Variants in NAT8L observed in about 807,000 individuals in gnomAD.
NAT8L encodes the protein N-acetylaspartate synthetase.
In NAT8L, 6 loss-of-function variants were observed where a neutral mutation model predicts 21.2. The ratio of observed to expected loss-of-function variants is 0.28; its 90% CI spans 0.16 to 0.56. The LOEUF is 0.56. NAT8L is among the 20% of genes least tolerant of loss of function. The pLI is 0.93. For synonymous variants in NAT8L, 239 were observed against 204.9 expected (o/e 1.17, Z -1.42); for missense variants, 331 against 433.3 (o/e 0.76, Z 2.10).
chr4:2,060,985 C>T lies in NAT8L; in HGVS notation c.377-13C>T. On this transcript the variant is annotated splice_polypyrimidine_tract_variant and intron_variant, in intron 1 of 2. Coordinates refer to ENST00000423729, the MANE Select transcript of NAT8L (RefSeq NM_178557.4). This position sits in a 1 kb window ranked among gnomAD's most constrained non-coding sequence, Gnocchi z 4.7. The stretch of plus-strand genomic sequence containing the variant: ...CCCCCGCCGCGCCGCTGACCCGCGC[C>T]CTCTGCCCCCAGCGCTGTGCTTCGC... 5 of 1,482,836 alleles carry T rather than the reference C, an allele frequency of 3.4e-6. No individual in the cohort carries two copies. Among genetic ancestry groups the T allele is most frequent in the South Asian group, 1.2e-5 (1 of 82,650 alleles). 91.9% of individuals were successfully genotyped at this position (1,482,836 alleles called of 1,614,324 possible).
At position 2,059,533 on chromosome 4, in the gene NAT8L, A is replaced by G; in HGVS notation, c.22A>G (p.Met8Val). Residue 8 changes from methionine (M) to valine (V), a missense_variant, in exon 1 of 3, where the codon ATG becomes GTG. By Grantham distance (21) the Met-to-Val change is conservative. Around this residue, in one of 2 missense-constraint regions of NAT8L, gnomAD observed 199 missense variants for 196.1 expected, o/e 1.01. Coordinates refer to ENST00000423729, the MANE Select transcript of NAT8L (RefSeq NM_178557.4). The surrounding 1 kb of genome is among the most constrained non-coding windows in gnomAD (Gnocchi z 4.8). Reference sequence around the variant, plus strand: ...GTGCATGCATTGTGGGCCTCCCGACATGGTCTGCGAGACGAAGATCGTGGC... The same window carrying G: ...GTGCATGCATTGTGGGCCTCCCGACGTGGTCTGCGAGACGAAGATCGTGGC... Reference protein sequence around the residue: MHCGPPDMVCETKIVAAE... With the variant: MHCGPPDVVCETKIVAAE... The G allele has an allele frequency of 2.0e-6, 2 of 1,000,244 alleles. No individual in the cohort carries two copies. Among genetic ancestry groups the G allele is most frequent in the South Asian group, 3.9e-5 (1 of 25,614 alleles). The allele number at this position is 1,000,244 out of a possible 1,614,324, so 62.0% of individuals were successfully genotyped here.
chr4:2,059,901 GC>G lies in NAT8L; in HGVS notation c.376+19del. The G allele has an allele frequency of 2.8e-5, 36 of 1,263,926 alleles. No individual in the cohort carries two copies. The highest frequency in any genetic ancestry group is 2.0e-4 in the South Asian group (10 of 50,344). 78.3% of individuals were successfully genotyped at this position (1,263,926 alleles called of 1,614,324 possible). A position where few individuals can be genotyped will look rare whatever the true frequency, so the allele number is the denominator to read the frequency against. On this transcript the variant is annotated intron_variant, in intron 1 of 2. Transcript: ENST00000423729. The surrounding 1 kb of genome is among the most constrained non-coding windows in gnomAD (Gnocchi z 4.8). ...CCCTGCTGGCGGGTCAGTGCGCCGG[GC>G]CCCCGGCTGCCGCAGTCCCTCGGGC...
At chr4:2,062,477 G>A (rs1158460323) in intron 2 of NAT8L, among the ~76,000 whole-genome samples, 1 of 151,956 alleles carries the variant, frequency 6.6e-6, no homozygotes, top group African/African-American at 2.4e-5. Context: ...TAGGGAGATG[G>A]GGGGTTGGGT....
rs1455047053 is a variant in NAT8L at position 2,064,074 on chromosome 4, C to G, written c.856C>G (p.Leu286Val). Residue 286 changes from leucine (L) to valine (V), a missense_variant, in exon 3 of 3, where the codon CTC (leucine) becomes GTC (valine). Leu to Val is a conservative substitution (Grantham distance 32, BLOSUM62 1). This residue lies in a region of NAT8L where 132 missense variants were observed against 237.1 expected (regional missense o/e 0.56). Coordinates refer to ENST00000423729, the MANE Select transcript of NAT8L (RefSeq NM_178557.4). ...CATGACCCTCTCGCTGGCTGAGCGC[C>G]TCTTCTTCCAGGTCCGCTACCACCG... ...PGMTLSLAER[L>V]FFQVRYHRYR... 1 of 1,608,664 alleles carries G rather than the reference C, an allele frequency of 6.2e-7. No homozygotes were observed. The highest frequency in any genetic ancestry group is 2.2e-5 in the East Asian group (1 of 44,828).
chr4:2,061,969 G>A (rs773839569), intron 2 of NAT8L, among the ~76,000 whole-genome samples: 6 of 152,168 alleles, frequency 3.9e-5, no homozygotes, highest in African/African-American at 9.7e-5. Flanking sequence ...CCCGCGCCAC[G>A]GCCTTGGTGC....
Position 2,063,846 on chromosome 4 carries a change from C to T in NAT8L, c.628C>T (p.Leu210=), listed in dbSNP as rs770565581. 1 of 1,612,434 alleles carries T rather than the reference C, an allele frequency of 6.2e-7. No homozygotes were observed. The highest frequency in any genetic ancestry group is 8.5e-7 in the Non-Finnish European group (1 of 1,179,960). ...CCACGAGGAGGACAACACGGTGGAG[C>T]TGCTGCGGATGTCTGTGGACTCACG... ...RAHEEDNTVE[L]LRMSVDSRFR... Residue 210 remains leucine (L), a synonymous_variant, in exon 3 of 3, where the codon CTG becomes TTG. Coordinates refer to ENST00000423729, the MANE Select transcript of NAT8L (RefSeq NM_178557.4).
Position 2,064,243 on chromosome 4 carries a change from C to T in NAT8L, c.*116C>T, listed in dbSNP as rs1729950455. On this transcript the variant is annotated 3_prime_UTR_variant, in exon 3 of 3. Transcript: ENST00000423729. Reference sequence around the variant, plus strand: ...AATTGGCGTTTGTGTTGGGTTTCCCCTTTTCAACATCCTGCGGTTGTCTGG... The same window carrying T: ...AATTGGCGTTTGTGTTGGGTTTCCCTTTTTCAACATCCTGCGGTTGTCTGG... The T allele has an allele frequency of 4.4e-6, 3 of 685,490 alleles. No individual in the cohort carries two copies. The highest frequency in any genetic ancestry group is 3.9e-5 in the African/African-American group (2 of 51,188). The allele number at this position is 685,490 out of a possible 1,614,324, so 42.5% of individuals were successfully genotyped here. A position where few individuals can be genotyped will look rare whatever the true frequency, so the allele number is the denominator to read the frequency against.
rs774180725 is a variant in NAT8L, at chr4:2,061,130, C to G, written c.509C>G (p.Ala170Gly). ...YLECALHTDM[A>G]DIEQYYMKPP... ...GAGTGCGCGCTGCACACGGACATGG[C>G]GGACATCGAGCAGTACTACATGAAG... The change falls in exon 2 of 3, where the codon GCG becomes GGG. Residue 170 changes from alanine (A) to glycine (G), a missense_variant. By Grantham distance (60) the Ala-to-Gly change is moderately conservative. Coordinates refer to ENST00000423729, the MANE Select transcript of NAT8L (RefSeq NM_178557.4). 2 of 1,611,368 alleles carry G rather than the reference C, an allele frequency of 1.2e-6. No individual in the cohort carries two copies. Among genetic ancestry groups the G allele is most frequent in the African/African-American group, 1.3e-5 (1 of 74,992 alleles).
chr4:2,064,453 C>T lies in NAT8L; in HGVS notation c.*326C>T, dbSNP rs1287813966. 2 of 163,618 alleles carry T rather than the reference C, an allele frequency of 1.2e-5. No individual in the cohort carries two copies. The highest frequency in any genetic ancestry group is 2.6e-5 in the Non-Finnish European group (2 of 75,820). 10.1% of individuals were successfully genotyped at this position (163,618 alleles called of 1,614,324 possible). A position where few individuals can be genotyped will look rare whatever the true frequency, so the allele number is the denominator to read the frequency against. On this transcript the variant is annotated 3_prime_UTR_variant, in exon 3 of 3. Coordinates refer to ENST00000423729, the MANE Select transcript of NAT8L (RefSeq NM_178557.4). Reference sequence around the variant, plus strand: ...CCCGCCGCCACTGGGGAAGGCCCAGCCTTGCTCACCAAGCACAGAACCTCT... The same window carrying T: ...CCCGCCGCCACTGGGGAAGGCCCAGTCTTGCTCACCAAGCACAGAACCTCT...
rs1179686445 is a variant in NAT8L, at chr4:2,063,841, T to C, written c.623T>C (p.Val208Ala). Reference protein sequence around the residue: ...AARAHEEDNTVELLRMSVDSR... With the variant: ...AARAHEEDNTAELLRMSVDSR... ...CGGGCCCACGAGGAGGACAACACGGTGGAGCTGCTGCGGATGTCTGTGGAC... is the reference window on the plus strand; with the variant it reads ...CGGGCCCACGAGGAGGACAACACGGCGGAGCTGCTGCGGATGTCTGTGGAC... The change falls in exon 3 of 3, where the codon GTG becomes GCG. Residue 208 changes from valine to alanine, a missense_variant. Around this residue, in one of 2 missense-constraint regions of NAT8L, gnomAD observed 132 missense variants for 237.1 expected, o/e 0.56. Transcript: ENST00000423729. 2 of 1,612,346 alleles carry C rather than the reference T, an allele frequency of 1.2e-6. No individual in the cohort carries two copies. The highest frequency in any genetic ancestry group is 4.5e-5 in the East Asian group (2 of 44,882).
In NAT8L at chr4:2,059,492, C is replaced by T. The variant is rs775717710; in HGVS notation, c.-20C>T. 8.2e-3 allele frequency: 7,961 copies of T among 972,754 alleles called. 43 individuals carry two copies. The highest frequency in any genetic ancestry group is 9.1e-3 in the Non-Finnish European group (7,451 of 820,330). The allele number at this position is 972,754 out of a possible 1,614,324, so 60.3% of individuals were successfully genotyped here. On this transcript the variant is annotated 5_prime_UTR_variant, in exon 1 of 3. Transcript: ENST00000423729. The surrounding 1 kb of genome is among the most constrained non-coding windows in gnomAD (Gnocchi z 4.8). ...CGCCGCCCGGCCGCGTCCCCGCTGC[C>T]GCGCCGCCCGGCCGGGTGCATGCAT...
chr4:2,064,305 G>C lies in NAT8L; in HGVS notation c.*178G>C. On this transcript the variant is annotated 3_prime_UTR_variant, in exon 3 of 3. Transcript: ENST00000423729. ...GGGTGCGGGGCTGTTGTTCTTCGGC[G>C]ACACTTTGGTGGGGGTGGGTTGTTT... The C allele has an allele frequency of 3.3e-6, 1 of 304,422 alleles. No individual in the cohort carries two copies. Among genetic ancestry groups the C allele is most frequent in the East Asian group, 8.5e-5 (1 of 11,728 alleles). 18.9% of individuals were successfully genotyped at this position (304,422 alleles called of 1,614,324 possible). A position where few individuals can be genotyped will look rare whatever the true frequency, so the allele number is the denominator to read the frequency against.
chr4:2,064,204 G>A lies in NAT8L; in HGVS notation c.*77G>A. ...GCCTGCCCGCCGCCCGGCGCGGCCT[G>A]CTTTCAGACGCTCAATTGGCGTTTG... On this transcript the variant is annotated 3_prime_UTR_variant, in exon 3 of 3. Transcript: ENST00000423729. 1 of 1,023,934 alleles carries A rather than the reference G, an allele frequency of 9.8e-7. No individual in the cohort carries two copies. Among genetic ancestry groups the A allele is most frequent in the Non-Finnish European group, 1.2e-6 (1 of 818,752 alleles). 63.4% of individuals were successfully genotyped at this position (1,023,934 alleles called of 1,614,324 possible). A position where few individuals can be genotyped will look rare whatever the true frequency, so the allele number is the denominator to read the frequency against.
rs1367302575 is a variant in NAT8L, at chr4:2,068,662, T to C, written c.*4535T>C. 6.6e-6 allele frequency: 1 copy of C among 152,298 alleles called. No homozygotes were observed. Among genetic ancestry groups the C allele is most frequent in the Non-Finnish European group, 1.5e-5 (1 of 68,074 alleles). 9.4% of individuals were successfully genotyped at this position (152,298 alleles called of 1,614,324 possible). ...GCATGCGTGCGAGTGCCTGTGTGTG[T>C]ACTTGCATATATGTGGCTGTGCAGG... On this transcript the variant is annotated 3_prime_UTR_variant, in exon 3 of 3. Coordinates refer to ENST00000423729, the MANE Select transcript of NAT8L (RefSeq NM_178557.4).
intron 2 of NAT8L, among the ~76,000 whole-genome samples, chr4:2,062,937 G>T (rs926184499): frequency 2.0e-5 from 3 of 152,200 alleles, no homozygotes; most frequent in African/African-American, 7.2e-5. Context: ...CCTGTGGCCA[G>T]TGCCTGCAGG....
intron 2 of NAT8L, among the ~76,000 whole-genome samples, chr4:2,062,486 G>C (rs1729912300): frequency 6.6e-6 from 1 of 151,912 alleles, no homozygotes; most frequent in Non-Finnish European, 1.5e-5. Context: ...GGGGGGTTGG[G>C]TGTGGGAGAC....
rs1287654933 is a variant in NAT8L at position 2,061,034 on chromosome 4, C to T, written c.413C>T (p.Thr138Met). Residue 138 changes from threonine to methionine, a missense_variant, in exon 2 of 3, where the codon ACG (threonine) becomes ATG (methionine). By Grantham distance (81) the Thr-to-Met change is moderately conservative (BLOSUM62 -1). This residue lies in a region of NAT8L where 199 missense variants were observed against 196.1 expected (regional missense o/e 1.01). Transcript: ENST00000423729. Reference sequence around the variant, plus strand: ...GCCGTGAGCCGCTCGCTGCTGCTGACGTGCCTGGTGCCGGCCGCGCTGCTG... The same window carrying T: ...GCCGTGAGCCGCTCGCTGCTGCTGATGTGCCTGGTGCCGGCCGCGCTGCTG... Reference protein sequence around the residue: ...CFAVSRSLLLTCLVPAALLGL... With the variant: ...CFAVSRSLLLMCLVPAALLGL... 3.2e-6 allele frequency: 5 copies of T among 1,582,638 alleles called. No homozygotes were observed. The highest frequency in any genetic ancestry group is 3.6e-5 in the Admixed American group (2 of 55,710).
chr4:2,062,306 C>G (rs1729909099), intron 2 of NAT8L, among the ~76,000 whole-genome samples: 1 of 152,068 alleles, frequency 6.6e-6, no homozygotes, highest in Admixed American at 6.5e-5. Flanking sequence ...TGAGGTGTGC[C>G]CAGGGCCACA....
intron 2 of NAT8L, 28 bp from the exon 3 acceptor site, chr4:2,063,732 G>T: frequency 6.2e-7 from 1 of 1,608,156 alleles, no homozygotes; most frequent in Non-Finnish European, 8.5e-7. Flanking sequence ...TCCTCACCGG[G>T]TGTCCCTGAC....
Sources: allele counts gnomAD v4.1 joint callset (sites outside exome capture counted in the v4.1 genomes callset), GRCh38; gene constraint gnomAD v4.1.1; regional missense constraint gnomAD v4.1.1; non-coding constraint Gnocchi (gnomAD v3.1); transcripts MANE v1.5; gene names NCBI Gene and HGNC (gene_info 2026-07-23, HGNC 2026-07-21).